The following EPN2 variants were observed in gnomAD, a reference collection of about 807,000 sequenced individuals.
The protein encoded by EPN2 is epsin 2.
Under a neutral mutation model 61.7 loss-of-function variants are expected in EPN2, and 34 were observed. The ratio of observed to expected loss-of-function variants is 0.55; its 90% CI spans 0.42 to 0.73. The LOEUF (loss-of-function observed/expected upper bound fraction) is 0.73. Among genes scored for constraint, EPN2 ranks in the 30% least tolerant of loss-of-function variants. EPN2 has a pLI of 0.00. For synonymous variants in EPN2, 349 were observed against 353.6 expected (o/e 0.99, Z 0.15); for missense variants, 714 against 839.2 (o/e 0.85, Z 1.84).
chr17:19,329,693 C>G (rs762883130), intron 9 of EPN2, 46 bp downstream of exon 9: 1 of 1,127,294 alleles, frequency 8.9e-7, no homozygotes, highest in East Asian at 2.4e-5. Flanking sequence ...GTGCATTTGA[C>G]CAGCTGAGTT....
chr17:19,313,249 G>A lies in EPN2; in HGVS notation c.1117G>A (p.Ala373Thr). Residue 373 changes from alanine to threonine, a missense_variant, in exon 7 of 11, where the codon GCG becomes ACG. Coordinates refer to ENST00000314728, the MANE Select transcript of EPN2 (RefSeq NM_014964.5). ...CCCCTGGGGCGGGCCAGCGGCTCCT[G>A]CGAGTACTTCAGACCCCTGGCCATC... ...TNPWGGPAAP[A>T]STSDPWPSFG... is the part of the protein sequence containing the mutation. 1 of 1,582,242 alleles carries A rather than the reference G, an allele frequency of 6.3e-7. No individual in the cohort carries two copies. Among genetic ancestry groups the A allele is most frequent in the Non-Finnish European group, 8.6e-7 (1 of 1,167,688 alleles).
At chr17:19,253,295 A>G (rs2045034888) in intron 1 of EPN2, among the ~76,000 whole-genome samples, 1 of 152,150 alleles carries the variant, frequency 6.6e-6, no homozygotes, top group Admixed American at 6.6e-5. Flanking sequence ...GCATGGATCC[A>G]AACTTGATTC....
intron 1 of EPN2, among the ~76,000 whole-genome samples, chr17:19,257,405 G>T (rs1308337485): frequency 6.6e-6 from 1 of 152,192 alleles, no homozygotes; most frequent in Non-Finnish European, 1.5e-5. Flanking sequence ...CGGAAAGTAT[G>T]CCTAAGTAGG....
chr17:19,264,722 G>A (rs3894909), intron 1 of EPN2, among the ~76,000 whole-genome samples: 1 of 152,148 alleles, frequency 6.6e-6, no homozygotes, highest in African/African-American at 2.4e-5. Flanking sequence ...AAGGGAGAGA[G>A]AAAGGGGGGA....
intron 1 of EPN2, among the ~76,000 whole-genome samples, chr17:19,256,996 G>T (rs891964127): frequency 6.6e-6 from 1 of 152,104 alleles, no homozygotes; most frequent in Non-Finnish European, 1.5e-5. Flanking sequence ...AATTACAAAA[G>T]AAAACACAGA....
intron 9 of EPN2, 40 bp downstream of exon 9, chr17:19,329,687 A>G (rs369944262): frequency 1.3e-5 from 15 of 1,198,364 alleles, no homozygotes; most frequent in Non-Finnish European, 1.8e-5. Context: ...TCCTCCGTGC[A>G]TTTGACCAGC....
intron 7 of EPN2, among the ~76,000 whole-genome samples, chr17:19,328,007 A>G (rs1906968768): frequency 6.6e-6 from 1 of 152,200 alleles, no homozygotes; most frequent in Admixed American, 6.5e-5. Flanking sequence ...GTTGACACTT[A>G]ACATTAGATG....
chr17:19,257,437 C>A (rs1431286920), intron 1 of EPN2, among the ~76,000 whole-genome samples: 3 of 152,072 alleles, frequency 2.0e-5, no homozygotes, highest in Non-Finnish European at 4.4e-5. Context: ...TAGCACTTGA[C>A]CTATAGCCTT....
At chr17:19,247,047 G>C (rs540633627) in intron 1 of EPN2, among the ~76,000 whole-genome samples, 1 of 151,958 alleles carries the variant, frequency 6.6e-6, no homozygotes, top group South Asian at 2.1e-4. Context: ...TGGGATTACA[G>C]GCGTGAGCCA....
Position 19,285,562 on chromosome 17 carries a change from C to T in EPN2, c.596-58C>T, listed in dbSNP as rs1156304205. ...TGGCCCGTACCTCCTGCAGGGGCTG[C>T]TGCGCACCCTCTAATGGCGTGTCTC... On this transcript the variant is annotated intron_variant, in intron 3 of 10. Transcript: ENST00000314728. This position sits in a 1 kb window ranked among gnomAD's most constrained non-coding sequence, Gnocchi z 4.5. 10 of 1,418,760 alleles carry T rather than the reference C, an allele frequency of 7.0e-6. No homozygotes were observed. The highest frequency in any genetic ancestry group is 9.3e-6 in the Non-Finnish European group (10 of 1,080,914). 87.9% of individuals were successfully genotyped at this position (1,418,760 alleles called of 1,614,324 possible).
rs562713087 is a variant in EPN2 at position 19,328,930 on chromosome 17, G to A, written c.1324+43G>A. On this transcript the variant is annotated intron_variant, in intron 8 of 10. Transcript: ENST00000314728. ...CCACTTTCCTGCCTGGCCTCTGAGC[G>A]CCCACGGGCCCTGCAGCCGCTCCTG... is the stretch of plus-strand genomic sequence containing the variant. The A allele has an allele frequency of 7.6e-5, 118 of 1,548,452 alleles. 1 individual carries two copies. The South Asian group carries it at 1.3e-3, about 17-fold the overall frequency.
intron 4 of EPN2, among the ~76,000 whole-genome samples, chr17:19,292,204 A>T (rs2045472333): frequency 6.6e-6 from 1 of 152,220 alleles, no homozygotes; most frequent in South Asian, 2.1e-4. Flanking sequence ...CAGAGCTCCA[A>T]GGTGCAGGGC....
chr17:19,335,246 G>C lies in EPN2; in HGVS notation c.*992G>C. The C allele has an allele frequency of 1.7e-6, 1 of 575,266 alleles. No individual in the cohort carries two copies. The highest frequency in any genetic ancestry group is 2.7e-6 in the Non-Finnish European group (1 of 365,200). The allele number at this position is 575,266 out of a possible 1,614,324, so 35.6% of individuals were successfully genotyped here. On this transcript the variant is annotated 3_prime_UTR_variant, in exon 11 of 11. Transcript: ENST00000314728. Reference sequence around the variant, plus strand: ...TTCCTTTCTTTAGCTCCTGTTTTTGGTGAATTACTAAACTGATTGACTTTC... The same window carrying C: ...TTCCTTTCTTTAGCTCCTGTTTTTGCTGAATTACTAAACTGATTGACTTTC...
chr17:19,312,827 G>T (rs1212952497), intron 6 of EPN2: 2 of 401,982 alleles, frequency 5.0e-6, no homozygotes, highest in Non-Finnish European at 9.0e-6. Flanking sequence ...TCCACAGCCT[G>T]GGCAGAAGCC....
chr17:19,243,621 C>A (rs1031393919), intron 1 of EPN2, among the ~76,000 whole-genome samples: 2 of 152,006 alleles, frequency 1.3e-5, no homozygotes, highest in African/African-American at 4.8e-5. Flanking sequence ...TCTCGATCTC[C>A]TGACCTTGTG....
chr17:19,254,797 C>G (rs1181098015), intron 1 of EPN2, among the ~76,000 whole-genome samples: 3 of 152,080 alleles, frequency 2.0e-5, no homozygotes, highest in African/African-American at 7.2e-5. Context: ...CAGGGACAGA[C>G]TTCTGTTTTC....
chr17:19,287,986 C>T (rs539264566), intron 4 of EPN2, among the ~76,000 whole-genome samples: 11 of 152,314 alleles, frequency 7.2e-5, no homozygotes, highest in African/African-American at 2.2e-4. Context: ...GCCTTCTGAC[C>T]AATTTCCTGC....
intron 4 of EPN2, among the ~76,000 whole-genome samples, chr17:19,294,056 C>T (rs945041138): frequency 6.6e-6 from 1 of 151,176 alleles, no homozygotes; most frequent in Non-Finnish European, 1.5e-5. Context: ...CACCACTGTA[C>T]TCCAGCCTGG....
intron 1 of EPN2, among the ~76,000 whole-genome samples, chr17:19,278,511 G>A (rs1177633743): frequency 1.3e-5 from 2 of 152,152 alleles, no homozygotes; most frequent in Non-Finnish European, 2.9e-5. Flanking sequence ...ACTATCACAG[G>A]AATAGCATGG....
Sources: allele counts gnomAD v4.1 joint callset (sites outside exome capture counted in the v4.1 genomes callset), GRCh38; gene constraint gnomAD v4.1.1; non-coding constraint Gnocchi (gnomAD v3.1); transcripts MANE v1.5; gene names NCBI Gene and HGNC (gene_info 2026-07-23, HGNC 2026-07-21).